Variants in SLC25A12 observed in about 807,000 individuals in gnomAD.
The protein encoded by SLC25A12 is electrogenic aspartate/glutamate antiporter SLC25A12, mitochondrial.
SLC25A12 carries 32 observed loss-of-function variants against 83.3 expected under a neutral mutation model. That is an observed-to-expected ratio of 0.38 (90% CI 0.29 to 0.52). The LOEUF is 0.52. Among genes scored for constraint, SLC25A12 ranks in the 20% least tolerant of loss-of-function variants. The pLI is 0.84. For missense variants in SLC25A12, 611 were observed against 835.6 expected (o/e 0.73, Z 3.31); for synonymous variants, 267 against 291.1 (o/e 0.92, Z 0.84).
intron 8 of SLC25A12, among the ~76,000 whole-genome samples, chr2:171,829,449 C>T (rs1338305287): frequency 6.6e-6 from 1 of 152,114 alleles, no homozygotes; most frequent in Non-Finnish European, 1.5e-5. Flanking sequence ...GCAATGGCAA[C>T]CACCCCCATA....
At chr2:171,814,350 T>C (rs113906557) in intron 10 of SLC25A12, among the ~76,000 whole-genome samples, 1 of 151,928 alleles carries the variant, frequency 6.6e-6, no homozygotes, top group East Asian at 1.9e-4. Context: ...TTTTTGCAAA[T>C]AAACATCAAG....
chr2:171,790,374 T>C (rs1231443337), intron 15 of SLC25A12, among the ~76,000 whole-genome samples: 1 of 152,236 alleles, frequency 6.6e-6, no homozygotes, highest in African/African-American at 2.4e-5. Context: ...AGAGTGTTGG[T>C]GCAGCCAAGG....
chr2:171,809,392 C>T (rs1351032050), intron 13 of SLC25A12: 3 of 571,666 alleles, frequency 5.2e-6, no homozygotes, highest in Non-Finnish European at 9.3e-6. Flanking sequence ...TTAATGATCA[C>T]CATTCTAACT....
At chr2:171,841,633 A>G (rs995197466) in intron 5 of SLC25A12, among the ~76,000 whole-genome samples, 2 of 152,216 alleles carry the variant, frequency 1.3e-5, no homozygotes, top group African/African-American at 4.8e-5. Flanking sequence ...TTGGCCTCCC[A>G]AAGTGCTAGG....
In SLC25A12 at chr2:171,868,614, G is replaced by C. The variant is rs141956812; in HGVS notation, c.209+67C>G. Reference sequence around the variant, plus strand: ...CAGGCATGAGCCACTGTGCCCAGCTGGTTTTTTAAATTTTTAACAATATAT... The same window carrying C: ...CAGGCATGAGCCACTGTGCCCAGCTCGTTTTTTAAATTTTTAACAATATAT... On this transcript the variant is annotated intron_variant, in intron 3 of 17. Coordinates refer to ENST00000422440, the MANE Select transcript of SLC25A12 (RefSeq NM_003705.5). 713 of 1,519,980 alleles carry C rather than the reference G, an allele frequency of 4.7e-4. 3 individuals are homozygous for C. In the African/African-American group the frequency reaches 8.2e-3, roughly 18 times the overall value. The allele number at this position is 1,519,980 out of a possible 1,614,324, so 94.2% of individuals were successfully genotyped here.
intron 3 of SLC25A12, among the ~76,000 whole-genome samples, chr2:171,864,190 G>A (rs1573992303): frequency 6.6e-6 from 1 of 152,156 alleles, no homozygotes; most frequent in East Asian, 1.9e-4. Flanking sequence ...ACTACTTACT[G>A]CCTAGTTTCT....
At position 171,855,938 on chromosome 2, in the gene SLC25A12, T is replaced by C; in HGVS notation, c.221A>G (p.Tyr74Cys). The stretch of plus-strand genomic sequence containing the variant: ...AGATTCAAATGCCAAAAACTCTTGA[T>C]AGGAGATCAACCTGGAATAAAATAT... ...ADQTKDGLIS[Y>C]QEFLAFESVL... Residue 74 changes from tyrosine (Y) to cysteine (C), a missense_variant, in exon 4 of 18, where the codon TAT becomes TGT. Transcript: ENST00000422440. 12 of 1,590,556 alleles carry C rather than the reference T, an allele frequency of 7.5e-6. No homozygotes were observed. The highest frequency in any genetic ancestry group is 1.3e-5 in the African/African-American group (1 of 74,532).
At chr2:171,867,775 T>C (rs1422588643) in intron 3 of SLC25A12, among the ~76,000 whole-genome samples, 1 of 152,244 alleles carries the variant, frequency 6.6e-6, no homozygotes, top group East Asian at 1.9e-4. Context: ...TTGCAGCTCC[T>C]CTGTTTTTTA....
chr2:171,876,542 T>TGGG (rs1558941901), intron 2 of SLC25A12, among the ~76,000 whole-genome samples: 4 of 24,938 alleles, frequency 1.6e-4, no homozygotes, highest in Non-Finnish European at 5.6e-4. Flanking sequence ...TTTTTTTTTT[T>TGGG]TGGGGGGGGG....
intron 13 of SLC25A12, among the ~76,000 whole-genome samples, chr2:171,804,415 C>T (rs1016008474): frequency 2.0e-5 from 3 of 152,096 alleles, no homozygotes; most frequent in South Asian, 2.1e-4. Flanking sequence ...CCTGCCACCA[C>T]GCCTGGCTAA....
chr2:171,791,040 A>G (rs1683441555), intron 15 of SLC25A12, among the ~76,000 whole-genome samples: 1 of 152,146 alleles, frequency 6.6e-6, no homozygotes, highest in African/African-American at 2.4e-5. Flanking sequence ...ATTCCAATAT[A>G]CAGAAGAGAG....
At chr2:171,854,005 T>C (rs1684992201) in intron 4 of SLC25A12, among the ~76,000 whole-genome samples, 2 of 152,232 alleles carry the variant, frequency 1.3e-5, no homozygotes, top group African/African-American at 4.8e-5. Context: ...GCACTGTCAC[T>C]AACTCAGACA....
intron 13 of SLC25A12, among the ~76,000 whole-genome samples, chr2:171,794,923 AC>A (rs1248118674): frequency 6.6e-6 from 1 of 152,140 alleles, no homozygotes; most frequent in African/African-American, 2.4e-5. Context: ...TCAGTGCTCA[AC>A]CTTTGCCCAC....
At chr2:171,879,329 C>G (rs1685639729) in intron 2 of SLC25A12, among the ~76,000 whole-genome samples, 1 of 152,166 alleles carries the variant, frequency 6.6e-6, no homozygotes, top group Admixed American at 6.5e-5. Flanking sequence ...CTCTGTCTTC[C>G]TAACTCAGAT....
At chr2:171,817,623 A>AAAG (rs1684081952) in intron 9 of SLC25A12, among the ~76,000 whole-genome samples, 1 of 149,830 alleles carries the variant, frequency 6.7e-6, no homozygotes, top group Non-Finnish European at 1.5e-5. Context: ...AAAAAAAAAA[A>AAAG]TGTATGTAGA....
chr2:171,854,229 T>G (rs933288600), intron 4 of SLC25A12, among the ~76,000 whole-genome samples: 1 of 152,172 alleles, frequency 6.6e-6, no homozygotes, highest in African/African-American at 2.4e-5. Context: ...CGAAGCTTGC[T>G]CCAAAGGAGG....
chr2:171,865,252 G>A (rs62182392), intron 3 of SLC25A12, among the ~76,000 whole-genome samples: 32,743 of 151,944 alleles, frequency 0.22, 4,346 homozygotes, highest in East Asian at 0.57. Flanking sequence ...GGCTTTTCCC[G>A]TGAAATATTT....
In SLC25A12 at chr2:171,784,105, C is replaced by T. The variant is rs1309823930; in HGVS notation, c.*1169G>A. Among the ~76,000 whole-genome samples, 1 of 152,154 alleles carries T rather than the reference C, an allele frequency of 6.6e-6. No individual in the cohort carries two copies. Among genetic ancestry groups the T allele is most frequent in the East Asian group, 1.9e-4 (1 of 5,192 alleles). Reference sequence around the variant, plus strand: ...ATGTTTAGATCCAAATTAGTAATCACGCCCTTGATGAGTGACTTTTAGAAC... The same window carrying T: ...ATGTTTAGATCCAAATTAGTAATCATGCCCTTGATGAGTGACTTTTAGAAC... On this transcript the variant is annotated 3_prime_UTR_variant, in exon 18 of 18. Transcript: ENST00000422440.
At chr2:171,855,680 A>C (rs1685031602) in intron 4 of SLC25A12, 154 bp downstream of exon 4, 1 of 668,444 alleles carries the variant, frequency 1.5e-6, no homozygotes, top group Admixed American at 2.5e-5. Flanking sequence ...CTTTGAAAAA[A>C]TAAAGCCATC....
Sources: allele counts gnomAD v4.1 joint callset (sites outside exome capture counted in the v4.1 genomes callset), GRCh38; gene constraint gnomAD v4.1.1; transcripts MANE v1.5; gene names NCBI Gene and HGNC (gene_info 2026-07-23, HGNC 2026-07-21).